The following STAG1 variants were observed in gnomAD, a reference collection of about 807,000 sequenced individuals.
The protein encoded by STAG1 is STAG1 cohesin complex component.
A neutral mutation model predicts 170.9 loss-of-function variants in STAG1; 26 were observed. The ratio of observed to expected loss-of-function variants is 0.15; its 90% CI spans 0.11 to 0.21. The LOEUF (loss-of-function observed/expected upper bound fraction) is 0.21. Ranked by LOEUF, STAG1 falls within the 10% of genes least tolerant of loss-of-function variation. The pLI is 1.00. For synonymous variants in STAG1, 514 were observed against 497.7 expected, an observed-to-expected ratio of 1.03 and a Z score of -0.44; for missense variants, 964 against 1,509.5, an observed-to-expected ratio of 0.64 and a Z score of 5.99.
intron 5 of STAG1, among the ~76,000 whole-genome samples, chr3:136,549,767 A>G (rs1559873448): frequency 6.6e-6 from 1 of 152,086 alleles, no homozygotes; most frequent in Non-Finnish European, 1.5e-5. Context: ...TTACAGAAAA[A>G]GCTTTTAGAT....
chr3:136,618,052 ATTTCT>A (rs907322519), intron 3 of STAG1, among the ~76,000 whole-genome samples: 4 of 152,224 alleles, frequency 2.6e-5, no homozygotes, highest in African/African-American at 9.6e-5. Flanking sequence ...TGAGTTCTAA[ATTTCT>A]TTTCAAAGAA....
chr3:136,738,100 C>T (rs1934448450), intron 1 of STAG1, among the ~76,000 whole-genome samples: 1 of 151,994 alleles, frequency 6.6e-6, no homozygotes, highest in Admixed American at 6.6e-5. Context: ...ATATAAAATA[C>T]TAAAAAATGC....
At chr3:136,449,360 A>G (rs1459734482) in intron 14 of STAG1, among the ~76,000 whole-genome samples, 1 of 152,166 alleles carries the variant, frequency 6.6e-6, no homozygotes, top group Non-Finnish European at 1.5e-5. Flanking sequence ...TAGGAGTTCG[A>G]GACCAGCCAG....
chr3:136,383,732 G>GA (rs1938103270), intron 22 of STAG1, among the ~76,000 whole-genome samples: 1 of 152,004 alleles, frequency 6.6e-6, no homozygotes, highest in Non-Finnish European at 1.5e-5. Flanking sequence ...GAGGTGGGCG[G>GA]ATCACGAGGT....
At position 136,679,728 on chromosome 3, in the gene STAG1, TAAAAAAAAAAAAAA is replaced by T. The variant is rs61069088; in HGVS notation, c.-83-48761_-83-48748del. Among the ~76,000 whole-genome samples the T allele has an allele frequency of 3.5e-3, 412 of 117,696 alleles. 5 individuals carry two copies. The highest frequency in any genetic ancestry group is 5.2e-3 in the Non-Finnish European group (302 of 58,264). 77.2% of individuals were successfully genotyped at this position (117,696 alleles called of 152,430 possible). A position where few individuals can be genotyped will look rare whatever the true frequency, so the allele number is the denominator to read the frequency against. On this transcript the variant is annotated intron_variant, in intron 1 of 33. Coordinates refer to ENST00000383202, the MANE Select transcript of STAG1 (RefSeq NM_005862.3). ...TGGGCGAAAGAGCAAGACTCCGTCT[TAAAAAAAAAAAAAA>T]AAAAAAAAAATCAGCCGGGCATGGT...
intron 13 of STAG1, among the ~76,000 whole-genome samples, chr3:136,463,638 G>C (rs1429628312): frequency 1.3e-5 from 2 of 150,842 alleles, no homozygotes; most frequent in Admixed American, 6.6e-5. Context: ...AACACTATGG[G>C]AGGCTGAGGT....
intron 22 of STAG1, among the ~76,000 whole-genome samples, chr3:136,390,232 G>A (rs779912314): frequency 5.3e-5 from 8 of 152,150 alleles, no homozygotes; most frequent in Non-Finnish European, 1.0e-4. Flanking sequence ...ACTCTTAATG[G>A]AATGCTGAAA....
intron 1 of STAG1, among the ~76,000 whole-genome samples, chr3:136,674,158 G>GGAGA (rs1273124993): frequency 0.23 from 8,323 of 36,530 alleles, 719 homozygotes; most frequent in Non-Finnish European, 0.33. Context: ...AGGGAGAGAG[G>GGAGA]GAGGGAGGGA....
chr3:136,688,001 T>A (rs1446543802), intron 1 of STAG1, among the ~76,000 whole-genome samples: 2 of 152,194 alleles, frequency 1.3e-5, no homozygotes, highest in African/African-American at 4.8e-5. Context: ...CCTCCCAAAG[T>A]GCTGGGATTA....
At chr3:136,416,687 A>T (rs951696302) in intron 21 of STAG1, among the ~76,000 whole-genome samples, 13 of 152,188 alleles carry the variant, frequency 8.5e-5, no homozygotes, top group Non-Finnish European at 1.2e-4. Context: ...AATACATTTT[A>T]AAAAAGAGAG....
In STAG1 at chr3:136,681,185, G is replaced by A. The variant is rs145994103; in HGVS notation, c.-83-50204C>T. Reference sequence around the variant, plus strand: ...ATCCACAGATATAGAACCCATGTACGAAGTTATGTATATGATATGCAGGGC... The same window carrying A: ...ATCCACAGATATAGAACCCATGTACAAAGTTATGTATATGATATGCAGGGC... On this transcript the variant is annotated intron_variant, in intron 1 of 33. Transcript: ENST00000383202. Among the ~76,000 whole-genome samples the A allele has an allele frequency of 3.3e-3, 508 of 152,230 alleles. 8 individuals carry two copies. In the East Asian group the frequency reaches 0.048, roughly 14 times the overall value.
At chr3:136,405,601 C>T (rs2087458659) in intron 21 of STAG1, among the ~76,000 whole-genome samples, 1 of 151,350 alleles carries the variant, frequency 6.6e-6, no homozygotes, top group South Asian at 2.1e-4. Context: ...CATGCCTGTA[C>T]TCCCAGCACT....
intron 5 of STAG1, among the ~76,000 whole-genome samples, chr3:136,565,395 T>C (rs551276476): frequency 6.6e-6 from 1 of 152,188 alleles, no homozygotes; most frequent in Admixed American, 6.5e-5. Context: ...TCAAAGAAAA[T>C]ACAGACATGT....
At chr3:136,533,586 G>C (rs543787112) in intron 6 of STAG1, among the ~76,000 whole-genome samples, 2 of 152,214 alleles carry the variant, frequency 1.3e-5, no homozygotes, top group Admixed American at 6.5e-5. Flanking sequence ...AAGGAGCAAG[G>C]GGGCAGGGAT....
At position 136,646,220 on chromosome 3, in the gene STAG1, C is replaced by A. The variant is rs116463502; in HGVS notation, c.-83-15239G>T. Among the ~76,000 whole-genome samples, 1,065 of 152,232 alleles carry A rather than the reference C, an allele frequency of 7.0e-3. 15 individuals carry two copies. Among genetic ancestry groups the A allele is most frequent in the African/African-American group, 0.024 (984 of 41,518 alleles). On this transcript the variant is annotated intron_variant, in intron 1 of 33. Coordinates refer to ENST00000383202, the MANE Select transcript of STAG1 (RefSeq NM_005862.3). Reference sequence around the variant, plus strand: ...CTTTCTCACAAACACTCCTTCTAGGCTCAAGCAATCCTCCTGCTTCCACCT... The same window carrying A: ...CTTTCTCACAAACACTCCTTCTAGGATCAAGCAATCCTCCTGCTTCCACCT...
intron 1 of STAG1, among the ~76,000 whole-genome samples, chr3:136,642,019 A>G (rs1940819539): frequency 6.6e-6 from 1 of 152,156 alleles, no homozygotes; most frequent in African/African-American, 2.4e-5. Context: ...ACTTTACCAA[A>G]TGACCTTCCA....
Position 136,417,940 on chromosome 3 carries a change from C to A in STAG1, c.2141G>T (p.Gly714Val). ...AGTCTTCAATAATCTGTAGCAATTA[C>A]CAAAGAGATCCCATTTTGTGAGATC... ...AHDLTKWDLF[G>V]NCYRLLKTGI... Residue 714 changes from glycine to valine, a missense_variant, in exon 21 of 34, where the codon GGT (glycine) becomes GTT (valine). By Grantham distance (109) the Gly-to-Val change is moderately radical (BLOSUM62 -3). Around this residue, in one of 11 missense-constraint regions of STAG1, gnomAD observed 232 missense variants for 313.0 expected, o/e 0.74. Transcript: ENST00000383202. The A allele has an allele frequency of 6.2e-7, 1 of 1,613,934 alleles. No individual in the cohort carries two copies. Among genetic ancestry groups the A allele is most frequent in the Non-Finnish European group, 8.5e-7 (1 of 1,179,872 alleles).
chr3:136,738,141 T>C (rs1934450590), intron 1 of STAG1, among the ~76,000 whole-genome samples: 2 of 152,124 alleles, frequency 1.3e-5, no homozygotes, highest in South Asian at 2.1e-4. Context: ...GAATAATGAA[T>C]GGTGGTTACC....
intron 1 of STAG1, among the ~76,000 whole-genome samples, chr3:136,703,949 T>C (rs1943151774): frequency 1.3e-5 from 2 of 150,022 alleles, no homozygotes; most frequent in Admixed American, 1.3e-4. Context: ...GAGGCGGAGG[T>C]TGCAGTGGGC....
Sources: gnomAD v4.1 joint callset for allele counts (sites outside exome capture counted in the v4.1 genomes callset) on GRCh38, gnomAD v4.1.1 for gene constraint, gnomAD v4.1.1 regional missense constraint, MANE v1.5 for transcripts, NCBI Gene and HGNC (gene_info 2026-07-23, HGNC 2026-07-21) for gene names.